IGSF11: variants seen among roughly 807,000 people sequenced by gnomAD.
The protein encoded by IGSF11 is CXADR like 1.
Under a neutral mutation model 41.0 loss-of-function variants are expected in IGSF11, and 22 were observed. The observed-to-expected ratio is 0.54, with a 90% CI of 0.38 to 0.77. IGSF11 has a LOEUF of 0.77. Among genes scored for constraint, IGSF11 ranks in the 30% least tolerant of loss-of-function variants. The pLI is 0.00. For missense variants in IGSF11, 444 were observed against 530.8 expected, an observed-to-expected ratio of 0.84 and a Z score of 1.61; for synonymous variants, 219 against 201.3, an observed-to-expected ratio of 1.09 and a Z score of -0.74.
chr3:119,032,469 T>C (rs534741477), intron 1 of IGSF11, among the ~76,000 whole-genome samples: 2 of 152,340 alleles, frequency 1.3e-5, no homozygotes, highest in East Asian at 1.9e-4. Flanking sequence ...ACTTTTTCCA[T>C]GGCCAGCCGA....
intron 1 of IGSF11, among the ~76,000 whole-genome samples, chr3:119,064,731 G>T (rs1480193258): frequency 2.6e-5 from 4 of 151,706 alleles, no homozygotes; most frequent in Non-Finnish European, 5.9e-5. Context: ...GTAGTTTCTT[G>T]TTCCTTTTTA....
chr3:118,950,662 T>C (rs187236573), intron 1 of IGSF11, among the ~76,000 whole-genome samples: 1 of 152,132 alleles, frequency 6.6e-6, no homozygotes, highest in East Asian at 1.9e-4. Context: ...TATAATAATG[T>C]ATAAATGATT....
intron 1 of IGSF11, among the ~76,000 whole-genome samples, chr3:119,116,957 G>A (rs1218906812): frequency 6.6e-6 from 1 of 151,938 alleles, no homozygotes; most frequent in Admixed American, 6.6e-5. Flanking sequence ...CCAATCAGCA[G>A]CAAGCACCTG....
chr3:118,966,036 T>C (rs1336152449), intron 1 of IGSF11, among the ~76,000 whole-genome samples: 2 of 151,304 alleles, frequency 1.3e-5, no homozygotes, highest in Non-Finnish European at 2.9e-5. Flanking sequence ...GTAAAAAGAA[T>C]TGTTGTGAAC....
upstream of IGSF11, among the ~76,000 whole-genome samples, chr3:119,107,938 T>C (rs995899381): frequency 2.0e-5 from 3 of 149,384 alleles, no homozygotes; most frequent in African/African-American, 7.4e-5. Flanking sequence ...TTCTGTTCCA[T>C]TGATCTATAT....
chr3:118,942,216 T>C (rs1576434615), intron 1 of IGSF11, among the ~76,000 whole-genome samples: 1 of 152,188 alleles, frequency 6.6e-6, no homozygotes, highest in South Asian at 2.1e-4. Context: ...GAAAAACAAA[T>C]TAAGGGCTAA....
At chr3:118,935,397 TACACAC>T (rs1325824905) in intron 1 of IGSF11, among the ~76,000 whole-genome samples, 1 of 99,916 alleles carries the variant, frequency 1.0e-5, no homozygotes, top group Non-Finnish European at 2.0e-5. Context: ...CACACACACA[TACACAC>T]ACACATATAC....
At chr3:118,983,444 G>A (rs1934947838) in intron 1 of IGSF11, 1 of 152,128 alleles carries the variant, frequency 6.6e-6, no homozygotes, top group Non-Finnish European at 1.5e-5. Flanking sequence ...TCAAATATGT[G>A]TAGAGCTGTC....
intron 1 of IGSF11, among the ~76,000 whole-genome samples, chr3:119,042,521 T>C (rs1941156960): frequency 6.6e-6 from 1 of 152,118 alleles, no homozygotes; most frequent in Non-Finnish European, 1.5e-5. Flanking sequence ...CCTGGTGACC[T>C]GTATGATGCA....
chr3:119,056,276 AT>A (rs1433836803), intron 1 of IGSF11, among the ~76,000 whole-genome samples: 3 of 152,232 alleles, frequency 2.0e-5, no homozygotes, highest in Admixed American at 6.5e-5. Context: ...CAATAAAAAA[AT>A]GATAAAGGGG....
intron 1 of IGSF11, among the ~76,000 whole-genome samples, chr3:118,954,112 T>C (rs1456018975): frequency 6.6e-6 from 1 of 152,080 alleles, no homozygotes; most frequent in East Asian, 1.9e-4. Context: ...CATTCTTCTA[T>C]TACATGTACC....
intron 1 of IGSF11, among the ~76,000 whole-genome samples, chr3:119,017,337 G>A (rs115966595): frequency 0.025 from 3,756 of 152,268 alleles, 130 homozygotes; most frequent in African/African-American, 0.085. Flanking sequence ...CAAACCTGTA[G>A]AGCATATCAC....
intron 4 of IGSF11, among the ~76,000 whole-genome samples, chr3:118,917,870 C>T (rs1272253470): frequency 7.0e-6 from 1 of 141,978 alleles, no homozygotes; most frequent in Non-Finnish European, 1.5e-5. Flanking sequence ...AAAATACTGG[C>T]AAACCGAATC....
chr3:118,930,178 A>C lies in IGSF11; in HGVS notation c.150T>G (p.Ala50=). 6.2e-7 allele frequency: 1 copy of C among 1,614,092 alleles called. No homozygotes were observed. Among genetic ancestry groups the C allele is most frequent in the Non-Finnish European group, 8.5e-7 (1 of 1,179,944 alleles). ...AVLPCTFTTS[A]ALINLNVIWM... ...AAATGACATTGAGGTTAATGAGGGC[A>C]GCGCTGGTAGTGAAAGTGCAGGGCA... Residue 50 remains alanine, a synonymous_variant, in exon 2 of 7, where the codon GCT becomes GCG. Transcript: ENST00000393775.
chr3:119,050,953 A>C (rs1199063331), intron 1 of IGSF11, among the ~76,000 whole-genome samples: 2 of 141,260 alleles, frequency 1.4e-5, no homozygotes, highest in East Asian at 4.5e-4. Flanking sequence ...CAATGATATC[A>C]CATGGACACA....
chr3:119,005,897 C>T (rs373851665), intron 1 of IGSF11, among the ~76,000 whole-genome samples: 12 of 133,956 alleles, frequency 9.0e-5, no homozygotes, highest in Non-Finnish European at 1.2e-4. Flanking sequence ...GCCCTTAACA[C>T]TTTTTCCTTC....
intron 1 of IGSF11, among the ~76,000 whole-genome samples, chr3:118,999,555 C>A (rs2107667030): frequency 6.6e-6 from 1 of 152,256 alleles, no homozygotes; most frequent in Middle Eastern, 3.4e-3. Context: ...AGGAAAAAGG[C>A]AGCAAACATA....
intron 1 of IGSF11, among the ~76,000 whole-genome samples, chr3:119,073,834 G>A (rs930578369): frequency 9.2e-5 from 14 of 152,212 alleles, no homozygotes; most frequent in Admixed American, 4.6e-4. Context: ...CAGCCAGTCC[G>A]GAGAGGGGCT....
intron 1 of IGSF11, among the ~76,000 whole-genome samples, chr3:119,043,368 G>T (rs781087140): frequency 6.6e-6 from 1 of 152,064 alleles, no homozygotes; most frequent in Non-Finnish European, 1.5e-5. Flanking sequence ...CTGATTAGTC[G>T]GGTGTGAGCT....
Sources: allele counts gnomAD v4.1 joint callset (sites outside exome capture counted in the v4.1 genomes callset), GRCh38; gene constraint gnomAD v4.1.1; transcripts MANE v1.5; gene names NCBI Gene and HGNC (gene_info 2026-07-23, HGNC 2026-07-21).